The following SESTD1 variants were observed in gnomAD, a reference collection of about 807,000 sequenced individuals.
SESTD1 encodes the protein SEC14 domain and spectrin repeat-containing protein 1.
In SESTD1, 43 loss-of-function variants were observed where a neutral mutation model predicts 101.7. The ratio of observed to expected loss-of-function variants is 0.42; its 90% CI spans 0.33 to 0.55. The LOEUF (loss-of-function observed/expected upper bound fraction) is 0.55. Ranked by LOEUF, SESTD1 falls within the 20% of genes least tolerant of loss-of-function variation. The pLI, the probability that SESTD1 is intolerant of heterozygous loss-of-function variation, is 0.07. For missense variants in SESTD1, 647 were observed against 815.1 expected (o/e 0.79, Z 2.51); for synonymous variants, 283 against 286.8 (o/e 0.99, Z 0.13).
intron 1 of SESTD1, among the ~76,000 whole-genome samples, chr2:179,195,926 G>A (rs1019356504): frequency 2.0e-5 from 3 of 151,912 alleles, no homozygotes; most frequent in Non-Finnish European, 2.9e-5. Context: ...ATAACTGGTT[G>A]TTTAAGACAG....
chr2:179,168,233 T>G (rs1199771886), intron 5 of SESTD1, among the ~76,000 whole-genome samples: 1 of 152,186 alleles, frequency 6.6e-6, no homozygotes, highest in African/African-American at 2.4e-5. Context: ...TTTATGATGA[T>G]CCACTTCTAC....
intron 1 of SESTD1, among the ~76,000 whole-genome samples, chr2:179,245,612 C>T (rs1349549054): frequency 6.7e-6 from 1 of 149,434 alleles, no homozygotes; most frequent in African/African-American, 2.5e-5. Context: ...GAGGATCACT[C>T]AAGCCCAGAG....
chr2:179,123,690 T>G, intron 12 of SESTD1, 25 bp downstream of exon 12: 1 of 1,553,644 alleles, frequency 6.4e-7, no homozygotes, highest in Non-Finnish European at 8.8e-7. Context: ...AACCTTATGT[T>G]TCAGCATTTT....
At chr2:179,142,282 C>T (rs1045113599) in intron 9 of SESTD1, among the ~76,000 whole-genome samples, 2 of 152,212 alleles carry the variant, frequency 1.3e-5, no homozygotes, top group African/African-American at 4.8e-5. Flanking sequence ...AGCAACTACA[C>T]TAGACCTCTA....
chr2:179,124,534 G>A lies in SESTD1; in HGVS notation c.997C>T (p.Leu333Phe). 6.2e-7 allele frequency: 1 copy of A among 1,613,932 alleles called. No individual in the cohort carries two copies. The highest frequency in any genetic ancestry group is 8.5e-7 in the Non-Finnish European group (1 of 1,179,910). ...AAGAGTGCTGCAATTTGCTGATTAA[G>A]TTCCACATACACTGCAAACCATTCC... ...HSEWFAVYVE[L>F]NQQIAALLNA... The change falls in exon 11 of 18, where the codon CTT becomes TTT. Residue 333 changes from leucine to phenylalanine, a missense_variant. Physicochemically the swap from Leu to Phe is conservative, Grantham distance 22 (BLOSUM62 0). This residue lies in a region of SESTD1 where 476 missense variants were observed against 562.6 expected (regional missense o/e 0.85). Transcript: ENST00000428443.
chr2:179,121,591 T>A (rs1238024242), intron 13 of SESTD1, among the ~76,000 whole-genome samples, 179 bp downstream of exon 13: 10 of 152,176 alleles, frequency 6.6e-5, no homozygotes, highest in African/African-American at 2.4e-4. Flanking sequence ...AATAATTGAA[T>A]AAATTATTAC....
intron 3 of SESTD1, among the ~76,000 whole-genome samples, chr2:179,178,021 T>C (rs867067347): frequency 1.3e-5 from 2 of 152,162 alleles, no homozygotes; most frequent in Non-Finnish European, 2.9e-5. Flanking sequence ...GAAAGCAGAT[T>C]AGTGGTTGAC....
At chr2:179,124,303 T>C (rs1199191287) in intron 11 of SESTD1, 61 bp downstream of exon 11, 14 of 1,481,854 alleles carry the variant, frequency 9.4e-6, no homozygotes, top group Non-Finnish European at 1.3e-5. Flanking sequence ...TGAAAAAAAT[T>C]ACGTGTAGGT....
At chr2:179,136,356 T>C (rs760159955) in intron 9 of SESTD1, among the ~76,000 whole-genome samples, 1 of 152,232 alleles carries the variant, frequency 6.6e-6, no homozygotes, top group Non-Finnish European at 1.5e-5. Flanking sequence ...ATGGAGTTTA[T>C]TTCACATCTG....
At position 179,113,086 on chromosome 2, in the gene SESTD1, T is replaced by C. The variant is rs529546627; in HGVS notation, c.1840-241A>G. ...AGAAATTCAAACAAACAAAATGAAA[T>C]ACATAATTCCTACTAACAATATGGT... On this transcript the variant is annotated intron_variant, in intron 16 of 17. Transcript: ENST00000428443. Among the ~76,000 whole-genome samples the C allele has an allele frequency of 3.9e-5, 6 of 152,306 alleles. No homozygotes were observed. The East Asian group carries it at 9.6e-4, about 24-fold the overall frequency.
At chr2:179,233,440 T>C (rs538384780) in intron 1 of SESTD1, among the ~76,000 whole-genome samples, 3 of 152,182 alleles carry the variant, frequency 2.0e-5, no homozygotes, top group South Asian at 2.1e-4. Context: ...TATGTCTTCA[T>C]AGTTTTTTTT....
rs184535748 is a variant in SESTD1, at chr2:179,208,088, A to G, written c.-25-16222T>C. On this transcript the variant is annotated intron_variant, in intron 1 of 17. Coordinates refer to ENST00000428443, the MANE Select transcript of SESTD1 (RefSeq NM_178123.5). The stretch of plus-strand genomic sequence containing the variant: ...TTAGAGAAATGCAAAATACACTGGA[A>G]AGTTCCAACAATAGAATTGAACAAG... Among the ~76,000 whole-genome samples the G allele has an allele frequency of 6.7e-5, 9 of 135,178 alleles. 1 individual carries two copies. The highest frequency in any genetic ancestry group is 1.4e-4 in the Admixed American group (2 of 13,862). 88.7% of individuals were successfully genotyped at this position (135,178 alleles called of 152,430 possible).
chr2:179,184,697 G>A (rs1460496770), intron 2 of SESTD1, among the ~76,000 whole-genome samples: 3 of 152,136 alleles, frequency 2.0e-5, no homozygotes, highest in Non-Finnish European at 2.9e-5. Flanking sequence ...AAGAGAGGGC[G>A]TTAATAGGAA....
intron 2 of SESTD1, 33 bp downstream of exon 2, chr2:179,191,754 T>C (rs1465613568): frequency 1.3e-6 from 2 of 1,576,100 alleles, no homozygotes; most frequent in Non-Finnish European, 8.7e-7. Flanking sequence ...AGTTTGTATA[T>C]CAAACACTTC....
chr2:179,107,765 G>A lies in SESTD1; in HGVS notation c.*2134C>T, dbSNP rs1259364408. 1 of 152,136 alleles carries A rather than the reference G, an allele frequency of 6.6e-6. No individual in the cohort carries two copies. The highest frequency in any genetic ancestry group is 1.5e-5 in the Non-Finnish European group (1 of 68,036). The allele number at this position is 152,136 out of a possible 1,614,324, so 9.4% of individuals were successfully genotyped here. A position where few individuals can be genotyped will look rare whatever the true frequency, so the allele number is the denominator to read the frequency against. ...TATGCATGAGCAAGACTGGGAATAG[G>A]AGAAGACAAGATTCCTTCCCTCAAA... is the stretch of plus-strand genomic sequence containing the variant. On this transcript the variant is annotated 3_prime_UTR_variant, in exon 18 of 18. Transcript: ENST00000428443.
intron 8 of SESTD1, among the ~76,000 whole-genome samples, chr2:179,146,097 G>A (rs866687370): frequency 1.3e-4 from 20 of 151,280 alleles, no homozygotes; most frequent in Non-Finnish European, 1.9e-4. Flanking sequence ...GATCAGTGGC[G>A]GCACCAGATT....
intron 1 of SESTD1, among the ~76,000 whole-genome samples, chr2:179,254,100 G>A (rs565895520): frequency 2.0e-5 from 3 of 146,566 alleles, no homozygotes; most frequent in East Asian, 2.0e-4. Flanking sequence ...ACCTTGTCTC[G>A]AAAAAAAAAT....
chr2:179,215,147 A>G (rs1260967073), intron 1 of SESTD1, among the ~76,000 whole-genome samples: 1 of 135,124 alleles, frequency 7.4e-6, no homozygotes, highest in East Asian at 2.0e-4. Context: ...TCAGAGCAGA[A>G]CTGAAGGAGA....
chr2:179,121,103 C>G (rs2044739761), intron 13 of SESTD1, among the ~76,000 whole-genome samples: 1 of 152,112 alleles, frequency 6.6e-6, no homozygotes, highest in Non-Finnish European at 1.5e-5. Context: ...TGCCTCATGA[C>G]TGTTTTCTCT....
Sources: allele counts gnomAD v4.1 joint callset (sites outside exome capture counted in the v4.1 genomes callset), GRCh38; gene constraint gnomAD v4.1.1; regional missense constraint gnomAD v4.1.1; transcripts MANE v1.5; gene names NCBI Gene and HGNC (gene_info 2026-07-23, HGNC 2026-07-21).